Variants in SHISAL1 observed in about 807,000 individuals in gnomAD.
The protein encoded by SHISAL1 is shisa like 1.
Under a neutral mutation model 22.6 loss-of-function variants are expected in SHISAL1, and 9 were observed. That is an observed-to-expected ratio of 0.40 (90% CI 0.24 to 0.70). The LOEUF (loss-of-function observed/expected upper bound fraction) is 0.70. Ranked by LOEUF, SHISAL1 falls within the 30% of genes least tolerant of loss-of-function variation. SHISAL1 has a pLI of 0.39. For missense variants in SHISAL1, 246 were observed against 270.6 expected (o/e 0.91, Z 0.64); for synonymous variants, 119 against 115.4 (o/e 1.03, Z -0.20).
At chr22:44,268,753 T>C (rs1601783364) in intron 4 of SHISAL1, among the ~76,000 whole-genome samples, 1 of 151,716 alleles carries the variant, frequency 6.6e-6, no homozygotes, top group African/African-American at 2.4e-5. Flanking sequence ...GGGGCTGGGG[T>C]GGGGAAACCT....
chr22:44,275,531 C>G (rs1601787705), intron 4 of SHISAL1, among the ~76,000 whole-genome samples: 1 of 152,308 alleles, frequency 6.6e-6, no homozygotes, highest in African/African-American at 2.4e-5. Context: ...TGAGGCCTAC[C>G]TTGCACAGAG....
chr22:44,260,594 G>T (rs1203060446), intron 4 of SHISAL1, among the ~76,000 whole-genome samples: 1 of 152,240 alleles, frequency 6.6e-6, no homozygotes, highest in Non-Finnish European at 1.5e-5. Flanking sequence ...GGAATGGTAA[G>T]CTCACTCCTT....
intron 4 of SHISAL1, among the ~76,000 whole-genome samples, chr22:44,259,375 T>C (rs968717521): frequency 2.2e-4 from 33 of 151,468 alleles, no homozygotes; most frequent in African/African-American, 8.0e-4. Flanking sequence ...GAGGCGGAGG[T>C]TGCAGTGAGC....
rs2147296140 is a variant in SHISAL1 at position 44,292,773 on chromosome 22, T to C, written c.281+3899A>G. Among the ~76,000 whole-genome samples, 3 of 152,280 alleles carry C rather than the reference T, an allele frequency of 2.0e-5. No homozygotes were observed. In the East Asian group the frequency reaches 5.8e-4, roughly 30 times the overall value. ...CCCACGTCAGCTCCCTGGGCTTGGG[T>C]CCTCTCCCCAAGGTCCTTGAAACTG... On this transcript the variant is annotated intron_variant, in intron 3 of 4. Transcript: ENST00000381176.
At chr22:44,252,009 A>G (rs1199258335) in intron 4 of SHISAL1, among the ~76,000 whole-genome samples, 1 of 152,236 alleles carries the variant, frequency 6.6e-6, no homozygotes, top group African/African-American at 2.4e-5. Context: ...GAAATTATAA[A>G]TGGAGCCCTG....
chr22:44,260,434 A>T (rs2055113618), intron 4 of SHISAL1, among the ~76,000 whole-genome samples: 2 of 152,192 alleles, frequency 1.3e-5, no homozygotes, highest in Non-Finnish European at 2.9e-5. Context: ...CTGGCCTTGG[A>T]GACGCTGTCT....
At chr22:44,307,571 A>C (rs2055488196) in intron 1 of SHISAL1, among the ~76,000 whole-genome samples, 1 of 152,178 alleles carries the variant, frequency 6.6e-6, no homozygotes, top group Non-Finnish European at 1.5e-5. Context: ...GGCCAACAAC[A>C]AAACTCAAAC....
chr22:44,274,750 G>C (rs775893595), intron 4 of SHISAL1, among the ~76,000 whole-genome samples: 1 of 152,148 alleles, frequency 6.6e-6, no homozygotes, highest in Non-Finnish European at 1.5e-5. Context: ...CATTAGAAGG[G>C]AGAAAAACGC....
chr22:44,321,648 A>G, the SHISAL1 span, among the ~76,000 whole-genome samples: 1 of 152,182 alleles, frequency 6.6e-6, no homozygotes, highest in South Asian at 2.1e-4. Flanking sequence ...AACCCATGAC[A>G]TGCACCGGAC....
chr22:44,317,786 C>T (rs1031304040), upstream of SHISAL1, among the ~76,000 whole-genome samples: 1 of 152,262 alleles, frequency 6.6e-6, no homozygotes, highest in African/African-American at 2.4e-5. Flanking sequence ...CCTCTCCGTC[C>T]TCCCCCGCAG....
intron 4 of SHISAL1, among the ~76,000 whole-genome samples, chr22:44,266,455 G>T: frequency 7.3e-6 from 1 of 136,548 alleles, no homozygotes; most frequent in East Asian, 2.1e-4. Context: ...TGTGTGTGGG[G>T]CTGTGTGTGT....
chr22:44,245,228 G>C lies in SHISAL1; in HGVS notation c.*4457C>G, dbSNP rs772068927. 2.0e-5 allele frequency: 3 copies of C among 152,338 alleles called. No homozygotes were observed. Among genetic ancestry groups the C allele is most frequent in the South Asian group, 4.1e-4 (2 of 4,824 alleles). 9.4% of individuals were successfully genotyped at this position (152,338 alleles called of 1,614,324 possible). On this transcript the variant is annotated 3_prime_UTR_variant, in exon 5 of 5. Transcript: ENST00000381176. ...CACAGCAGACGAAAACAACCCACGT[G>C]GATGTCTCCCTACAGTGATAGGGGG...
At chr22:44,267,614 A>G (rs978133452) in intron 4 of SHISAL1, among the ~76,000 whole-genome samples, 1 of 152,052 alleles carries the variant, frequency 6.6e-6, no homozygotes, top group African/African-American at 2.4e-5. Context: ...CTGGACCGAG[A>G]AGCCCACATC....
At position 44,288,286 on chromosome 22, in the gene SHISAL1, T is replaced by C. The variant is rs895545160; in HGVS notation, c.282-2541A>G. Among the ~76,000 whole-genome samples, 6 of 152,142 alleles carry C rather than the reference T, an allele frequency of 3.9e-5. No homozygotes were observed. The East Asian group carries it at 1.2e-3, about 29-fold the overall frequency. On this transcript the variant is annotated intron_variant, in intron 3 of 4. Transcript: ENST00000381176. ...CAGCAGCTGAGCTCTAGAGTTGCGC[T>C]CCTCACCACTATAGCACACTGCCTT...
chr22:44,325,365 C>G, the SHISAL1 span, among the ~76,000 whole-genome samples: 2 of 152,128 alleles, frequency 1.3e-5, no homozygotes, highest in South Asian at 4.1e-4. Flanking sequence ...GCTCCATCAG[C>G]ACATTTTCTG....
chr22:44,279,416 C>G (rs117728320), intron 4 of SHISAL1, among the ~76,000 whole-genome samples: 6 of 152,334 alleles, frequency 3.9e-5, no homozygotes, highest in African/African-American at 1.4e-4. Flanking sequence ...CCTTTTCAGT[C>G]TCCTCATTTT....
At chr22:44,254,879 A>G (rs2055073735) in intron 4 of SHISAL1, among the ~76,000 whole-genome samples, 2 of 152,160 alleles carry the variant, frequency 1.3e-5, no homozygotes, top group African/African-American at 4.8e-5. Context: ...CCCCTTCCCA[A>G]CAGGCTTTTC....
At chr22:44,281,582 G>A (rs534663328) in intron 4 of SHISAL1, among the ~76,000 whole-genome samples, 77 of 152,170 alleles carry the variant, frequency 5.1e-4, no homozygotes, top group Non-Finnish European at 8.5e-4. Flanking sequence ...TCCACAGTGC[G>A]AAGGAGACAC....
intron 4 of SHISAL1, among the ~76,000 whole-genome samples, chr22:44,270,478 T>A (rs1301414131): frequency 6.6e-6 from 1 of 152,236 alleles, no homozygotes; most frequent in East Asian, 1.9e-4. Context: ...GCATTTATGA[T>A]AGGGACTTGA....
Sources: allele counts gnomAD v4.1 joint callset (sites outside exome capture counted in the v4.1 genomes callset), GRCh38; gene constraint gnomAD v4.1.1; transcripts MANE v1.5; gene names NCBI Gene and HGNC (gene_info 2026-07-23, HGNC 2026-07-21).